Variants in MYO3B observed in about 807,000 individuals in gnomAD.
MYO3B encodes the protein myosin IIIB, also known as myosin-IIIb.
A neutral mutation model predicts 174.6 loss-of-function variants in MYO3B; 156 were observed. The ratio of observed to expected loss-of-function variants is 0.89; its 90% confidence interval spans 0.78 to 1.02. The LOEUF (loss-of-function observed/expected upper bound fraction) is 1.02, where lower values mean the gene tolerates loss of function less well. Among genes scored for constraint, MYO3B ranks in the 50% least tolerant of loss-of-function variants. The pLI is 0.00. For synonymous variants in MYO3B, 563 were observed against 569.1 expected, an observed-to-expected ratio of 0.99 and a Z score of 0.15; for missense variants, 1,632 against 1,639.4, an observed-to-expected ratio of 1.00 and a Z score of 0.08.
At chr2:170,212,847 A>G (rs2092787051) in intron 3 of MYO3B, among the ~76,000 whole-genome samples, 1 of 152,166 alleles carries the variant, frequency 6.6e-6, no homozygotes, top group Non-Finnish European at 1.5e-5. Context: ...CTAGGGCACA[A>G]TTGTTGCCTA....
intron 22 of MYO3B, among the ~76,000 whole-genome samples, chr2:170,426,526 C>T (rs1219381128): frequency 6.6e-6 from 1 of 151,340 alleles, no homozygotes; most frequent in African/African-American, 2.4e-5. Flanking sequence ...TTAGTAGAGG[C>T]GGGGTTTCAC....
chr2:170,453,455 A>ACACACAC (rs1559016281), intron 23 of MYO3B, among the ~76,000 whole-genome samples: 2,154 of 101,898 alleles, frequency 0.021, 13 homozygotes, highest in Middle Eastern at 0.032. Context: ...CACACACACG[A>ACACACAC]GAGAGAGAGA....
At position 170,401,535 on chromosome 2, in the gene MYO3B, A is replaced by G. The variant is rs2094475756; in HGVS notation, c.1973A>G (p.His658Arg). Reference protein sequence around the residue: ...PEELQEALTSHCVVTRGETII... With the variant: ...PEELQEALTSRCVVTRGETII... ...GAGCTCCAGGAGGCCCTCACCTCCCACTGTGTGGTCACCCGGGGCGAGACC... is the reference window on the plus strand; with the variant it reads ...GAGCTCCAGGAGGCCCTCACCTCCCGCTGTGTGGTCACCCGGGGCGAGACC... Residue 658 changes from histidine (H) to arginine (R), a missense_variant, in exon 18 of 35, where the codon CAC (histidine) becomes CGC (arginine). By Grantham distance (29) the His-to-Arg change is conservative (BLOSUM62 0). Coordinates refer to ENST00000408978, the MANE Select transcript of MYO3B (RefSeq NM_138995.5). 6.2e-7 allele frequency: 1 copy of G among 1,614,194 alleles called. No individual in the cohort carries two copies. The highest frequency in any genetic ancestry group is 8.5e-7 in the Non-Finnish European group (1 of 1,180,030).
chr2:170,565,408 TAGATGAAC>T (rs1692002915), intron 32 of MYO3B, among the ~76,000 whole-genome samples: 1 of 152,184 alleles, frequency 6.6e-6, no homozygotes, highest in Non-Finnish European at 1.5e-5. Flanking sequence ...AGAATGGTGG[TAGATGAAC>T]AGAGGAACAG....
chr2:170,346,900 G>A (rs150647512), intron 8 of MYO3B, among the ~76,000 whole-genome samples: 76 of 152,290 alleles, frequency 5.0e-4, no homozygotes, highest in African/African-American at 1.7e-3. Context: ...CATCATGATC[G>A]CTTAGTGACA....
intron 32 of MYO3B, among the ~76,000 whole-genome samples, chr2:170,642,546 TC>T (rs1698060814): frequency 6.6e-6 from 1 of 152,180 alleles, no homozygotes; most frequent in African/African-American, 2.4e-5. Context: ...CCCACTGAAT[TC>T]CTTAGTTCCT....
intron 32 of MYO3B, among the ~76,000 whole-genome samples, chr2:170,554,337 G>T (rs1255483167): frequency 6.6e-6 from 1 of 152,188 alleles, no homozygotes; most frequent in African/African-American, 2.4e-5. Context: ...GAATCAGGAT[G>T]AAAAGGAAGA....
chr2:170,366,500 C>T (rs931101527), intron 8 of MYO3B, among the ~76,000 whole-genome samples: 1 of 151,942 alleles, frequency 6.6e-6, no homozygotes, highest in African/African-American at 2.4e-5. Context: ...CACTATGTTG[C>T]TCAGGCTTCT....
rs1367821470 is a variant in MYO3B at position 170,369,288 on chromosome 2, A to G, written c.882A>G (p.Lys294=). The change falls in exon 9 of 35, where the codon AAA becomes AAG. Residue 294 remains lysine (K), a synonymous_variant. Transcript: ENST00000408978. ...VTHLLDHPFI[K]GVHGKVLFLQ... ...ATCTCCTTGACCACCCATTTATTAA[A>G]GGAGTACATGGAAAAGTTCTGTTTC... 26 of 1,613,758 alleles carry G rather than the reference A, an allele frequency of 1.6e-5. No homozygotes were observed. The highest frequency in any genetic ancestry group is 2.0e-5 in the Non-Finnish European group (24 of 1,179,826).
intron 32 of MYO3B, among the ~76,000 whole-genome samples, chr2:170,579,858 C>T (rs919582403): frequency 8.5e-5 from 13 of 152,208 alleles, no homozygotes; most frequent in Non-Finnish European, 1.5e-5. Context: ...AACTGATGAC[C>T]GTACATTATC....
chr2:170,192,085 C>T (rs2092547208), intron 1 of MYO3B, among the ~76,000 whole-genome samples: 2 of 152,064 alleles, frequency 1.3e-5, no homozygotes, highest in Non-Finnish European at 2.9e-5. Context: ...TCTTCATGAC[C>T]TGGAAACCAT....
intron 25 of MYO3B, among the ~76,000 whole-genome samples, chr2:170,478,150 C>T (rs1428858560): frequency 6.6e-6 from 1 of 152,094 alleles, no homozygotes; most frequent in Non-Finnish European, 1.5e-5. Context: ...TGACCTGGGT[C>T]CCGTGACCAT....
At chr2:170,641,886 C>A (rs1575324009) in intron 32 of MYO3B, among the ~76,000 whole-genome samples, 8 of 126,236 alleles carry the variant, frequency 6.3e-5, no homozygotes, top group Middle Eastern at 4.5e-3. Flanking sequence ...GGCGGGGAGC[C>A]ATAACCCAAA....
rs540447627 is a variant in MYO3B at position 170,187,957 on chromosome 2, T to C, written c.2+9668T>C. 2.6e-5 allele frequency among the ~76,000 whole-genome samples: 4 copies of C among 152,288 alleles called. No individual in the cohort carries two copies. The East Asian group carries it at 7.7e-4, about 29-fold the overall frequency. On this transcript the variant is annotated intron_variant, in intron 1 of 34. Coordinates refer to ENST00000408978, the MANE Select transcript of MYO3B (RefSeq NM_138995.5). ...TGTATTCTGCAGCCATTGTATGAAA[T>C]GTTCTGTAACTATCTAATAGGTCCA...
intron 7 of MYO3B, among the ~76,000 whole-genome samples, chr2:170,286,696 A>T (rs1229698019): frequency 6.6e-6 from 1 of 151,932 alleles, no homozygotes; most frequent in Non-Finnish European, 1.5e-5. Context: ...AATGCCATAG[A>T]CCTTCTTTAA....
chr2:170,653,433 C>T lies in MYO3B; in HGVS notation c.*312C>T. 1 of 308,426 alleles carries T rather than the reference C, an allele frequency of 3.2e-6. No individual in the cohort carries two copies. Among genetic ancestry groups the T allele is most frequent in the Non-Finnish European group, 6.0e-6 (1 of 166,146 alleles). The allele number at this position is 308,426 out of a possible 1,614,324, so 19.1% of individuals were successfully genotyped here. A position where few individuals can be genotyped will look rare whatever the true frequency, so the allele number is the denominator to read the frequency against. On this transcript the variant is annotated 3_prime_UTR_variant, in exon 35 of 35. Coordinates refer to ENST00000408978, the MANE Select transcript of MYO3B (RefSeq NM_138995.5). ...CCCCCAGTGTCTAGGAAGATAACAG[C>T]CAGTCTCACCCCAGTCTAATCATGG...
At chr2:170,551,445 A>C (rs1249281448) in intron 32 of MYO3B, among the ~76,000 whole-genome samples, 1 of 142,286 alleles carries the variant, frequency 7.0e-6, no homozygotes, top group Non-Finnish European at 1.5e-5. Flanking sequence ...GTCTCAGCTC[A>C]CTGCAGCCTC....
In MYO3B at chr2:170,407,752, G is replaced by A; in HGVS notation, c.2558G>A (p.Arg853Lys). The A allele has an allele frequency of 6.2e-7, 1 of 1,614,066 alleles. No individual in the cohort carries two copies. Among genetic ancestry groups the A allele is most frequent in the Non-Finnish European group, 8.5e-7 (1 of 1,179,970 alleles). Residue 853 changes from arginine to lysine, a missense_variant, in exon 22 of 35, where the codon AGA (arginine) becomes AAA (lysine). Transcript: ENST00000408978. ...GCTTCTGGGGTTCTTGAGAAAAATA[G>A]AGACACTCTCCCTGCCGATGTGGTT... The part of the protein sequence containing the change: ...YDASGVLEKN[R>K]DTLPADVVVV...
intron 32 of MYO3B, among the ~76,000 whole-genome samples, chr2:170,629,574 G>T (rs1278145578): frequency 6.6e-6 from 1 of 152,214 alleles, no homozygotes; most frequent in Non-Finnish European, 1.5e-5. Flanking sequence ...AACGGGCTGG[G>T]TGCGGTGGCT....
Sources: gnomAD v4.1 joint callset for allele counts (sites outside exome capture counted in the v4.1 genomes callset) on GRCh38, gnomAD v4.1.1 for gene constraint, MANE v1.5 for transcripts, NCBI Gene and HGNC (gene_info 2026-07-23, HGNC 2026-07-21) for gene names.